The following REDIC1 variants were observed in gnomAD, a reference collection of about 807,000 sequenced individuals.
The protein encoded by REDIC1 is regulator of DNA class I crossover intermediates 1, also known as HEI10 Interacting Protein 1.
the REDIC1 span, among the ~76,000 whole-genome samples, chr12:39,629,389 A>C: frequency 6.6e-6 from 1 of 152,246 alleles, no homozygotes; most frequent in African/African-American, 2.4e-5. Context: ...AATAGCAACC[A>C]GATTGCATAC....
the REDIC1 span, among the ~76,000 whole-genome samples, chr12:39,671,484 C>A: frequency 6.6e-6 from 1 of 152,098 alleles, no homozygotes. Flanking sequence ...ATTGACAGAT[C>A]CAGGTGGGCC....
chr12:39,632,698 A>G, the REDIC1 span, among the ~76,000 whole-genome samples: 12 of 152,272 alleles, frequency 7.9e-5, no homozygotes, highest in Non-Finnish European at 1.3e-4. Context: ...CTAGTCTACT[A>G]CACACCTATG....
chr12:39,721,103 T>C, the REDIC1 span: 31 of 1,613,626 alleles, frequency 1.9e-5, no homozygotes, highest in Admixed American at 3.3e-5. Context: ...GAATCTGTAA[T>C]GGAGGAAAAA....
chr12:39,715,941 G>A, the REDIC1 span, among the ~76,000 whole-genome samples: 1 of 151,878 alleles, frequency 6.6e-6, no homozygotes, highest in Non-Finnish European at 1.5e-5. Flanking sequence ...CTTTTCGGGG[G>A]TATAAATTTC....
At chr12:39,719,079 T>C in the REDIC1 span, among the ~76,000 whole-genome samples, 1 of 152,120 alleles carries the variant, frequency 6.6e-6, no homozygotes, top group Admixed American at 6.6e-5. Flanking sequence ...TTCTTTCTTT[T>C]TTAAAAGAAC....
chr12:39,812,908 C>T, the REDIC1 span, among the ~76,000 whole-genome samples: 1 of 149,172 alleles, frequency 6.7e-6, no homozygotes, highest in African/African-American at 2.5e-5. Context: ...GATCTCCCTG[C>T]AACCTCTGCC....
chr12:39,715,587 G>A, the REDIC1 span, among the ~76,000 whole-genome samples: 131,683 of 151,942 alleles, frequency 0.87, 57,313 homozygotes, highest in African/African-American at 0.92. Flanking sequence ...TCTAAAATCT[G>A]TATGGAACCG....
chr12:39,826,124 T>C, the REDIC1 span, among the ~76,000 whole-genome samples: 1 of 152,162 alleles, frequency 6.6e-6, no homozygotes, highest in Non-Finnish European at 1.5e-5. Context: ...CTGAATTTAC[T>C]GTTTGTGCTT....
At chr12:39,700,587 C>G in the REDIC1 span, among the ~76,000 whole-genome samples, 1 of 151,936 alleles carries the variant, frequency 6.6e-6, no homozygotes, top group Non-Finnish European at 1.5e-5. Flanking sequence ...AGAGATAATG[C>G]CACAAAAGAT....
At chr12:39,751,829 A>G in the REDIC1 span, among the ~76,000 whole-genome samples, 3 of 152,052 alleles carry the variant, frequency 2.0e-5, no homozygotes, top group African/African-American at 4.8e-5. Flanking sequence ...GCATGTTCTC[A>G]CTCATAGGTG....
the REDIC1 span, among the ~76,000 whole-genome samples, chr12:39,697,957 T>G: frequency 6.6e-6 from 1 of 152,106 alleles, no homozygotes; most frequent in South Asian, 2.1e-4. Flanking sequence ...TCAAAAGATA[T>G]AGAGTGGCTG....
the REDIC1 span, among the ~76,000 whole-genome samples, chr12:39,713,855 A>T: frequency 2.7e-5 from 4 of 148,296 alleles, no homozygotes; most frequent in Non-Finnish European, 6.0e-5. Flanking sequence ...ATATGCATAT[A>T]TACATACATA....
At chr12:39,718,661 A>C in the REDIC1 span, among the ~76,000 whole-genome samples, 11 of 151,794 alleles carry the variant, frequency 7.2e-5, no homozygotes, top group African/African-American at 2.4e-4. Flanking sequence ...TAAATATCCT[A>C]TGTGACATTT....
chr12:39,721,414 A>G, the REDIC1 span: 1 of 601,940 alleles, frequency 1.7e-6, no homozygotes, highest in South Asian at 2.2e-5. Flanking sequence ...AAACATTTTA[A>G]TATTATTAAT....
the REDIC1 span, among the ~76,000 whole-genome samples, chr12:39,631,695 G>A: frequency 3.3e-5 from 5 of 152,124 alleles, no homozygotes; most frequent in African/African-American, 1.2e-4. Context: ...TTTGTTCTGA[G>A]CTTACCAGGT....
the REDIC1 span, among the ~76,000 whole-genome samples, chr12:39,902,312 C>G: frequency 2.0e-5 from 3 of 150,756 alleles, no homozygotes; most frequent in African/African-American, 7.3e-5. Context: ...GCACATTGTG[C>G]AAATGTACCC....
At chr12:39,644,250 C>A in the REDIC1 span, among the ~76,000 whole-genome samples, 5 of 151,670 alleles carry the variant, frequency 3.3e-5, no homozygotes, top group African/African-American at 1.2e-4. Context: ...TACATATCAA[C>A]AAATTAACTA....
chr12:39,678,655 C>CTATAGACCA, the REDIC1 span, among the ~76,000 whole-genome samples: 1 of 133,584 alleles, frequency 7.5e-6, no homozygotes, highest in Non-Finnish European at 1.6e-5. Context: ...AAAAAGGAAA[C>CTATAGACCA]TATAGACCAA....
At chr12:39,887,618 G>A in the REDIC1 span, among the ~76,000 whole-genome samples, 1 of 152,194 alleles carries the variant, frequency 6.6e-6, no homozygotes, top group African/African-American at 2.4e-5. Context: ...GAGGGTAGAC[G>A]TCCTTCTTCT....
Sources: gnomAD v4.1 joint callset for allele counts (sites outside exome capture counted in the v4.1 genomes callset) on GRCh38, gnomAD v4.1.1 for gene constraint, MANE v1.5 for transcripts, NCBI Gene and HGNC (gene_info 2026-07-23, HGNC 2026-07-21) for gene names.